Variants in ACSL4 observed in about 807,000 individuals in gnomAD.
The protein encoded by ACSL4 is long-chain-fatty-acid--CoA ligase 4.
ACSL4 carries 9 observed loss-of-function variants against 49.1 expected under a neutral mutation model. The observed-to-expected ratio is 0.18, with a 90% CI of 0.11 to 0.32. ACSL4 has a LOEUF of 0.32. ACSL4 is among the 10% of genes least tolerant of loss of function. The probability of loss-of-function intolerance (pLI) is 1.00; values close to 1 mark genes in which losing one functional copy is unlikely to be tolerated. For synonymous variants in ACSL4, 191 were observed against 170.3 expected (o/e 1.12, Z -0.95); for missense variants, 333 against 493.7 (o/e 0.67, Z 3.08).
At position 109,665,471 on chromosome X, in the gene ACSL4, C is replaced by T. The variant is rs1448617838; in HGVS notation, c.1339G>A (p.Val447Ile). Residue 447 changes from valine to isoleucine, a missense_variant, in exon 12 of 16, where the codon GTT becomes ATT. By Grantham distance (29) the Val-to-Ile change is conservative. Transcript: ENST00000672401. ...TEVTDYTTGR[V>I]GAPLICCEIK... is the part of the protein sequence containing the mutation. ...TCACAGCAAATAAGAGGTGCTCCAA[C>T]TCTGCCAGTAGTATAGTCAGTTACT... 1.7e-6 allele frequency: 2 copies of T among 1,209,738 alleles called. No homozygotes were observed. Among genetic ancestry groups the T allele is most frequent in the South Asian group, 1.8e-5 (1 of 56,964 alleles).
chrX:109,699,735 T>G (rs1925727792), intron 1 of ACSL4, among the ~76,000 whole-genome samples: 1 of 111,716 alleles, frequency 9.0e-6, no homozygotes, highest in African/African-American at 3.3e-5. Context: ...TTTGGGTTTT[T>G]TTCCTGCTGA....
intron 12 of ACSL4, 129 bp downstream of exon 12, chrX:109,665,291 T>A (rs1457672211): frequency 1.8e-6 from 1 of 562,180 alleles, no homozygotes; most frequent in East Asian, 3.4e-5. Context: ...AAAGAATGCA[T>A]GGGGACAGGC....
At chrX:109,717,980 C>T (rs1206398135) in intron 1 of ACSL4, among the ~76,000 whole-genome samples, 1 of 111,689 alleles carries the variant, frequency 9.0e-6, no homozygotes, top group Admixed American at 9.5e-5. Context: ...AGAGGATCAT[C>T]CCACAGAACT....
At chrX:109,655,634 A>T (rs184990031) in intron 15 of ACSL4, among the ~76,000 whole-genome samples, 7 of 111,326 alleles carry the variant, frequency 6.3e-5, no homozygotes, top group Admixed American at 5.7e-4. Flanking sequence ...ATTTCCCAGA[A>T]CTGAAGGGCA....
chrX:109,669,886 G>A, intron 9 of ACSL4, among the ~76,000 whole-genome samples: 1 of 111,809 alleles, frequency 8.9e-6, no homozygotes, highest in Non-Finnish European at 1.9e-5. Context: ...TTACAGCATG[G>A]CAGAAAGCAT....
intron 8 of ACSL4, among the ~76,000 whole-genome samples, chrX:109,677,104 C>T (rs959157148): frequency 8.2e-5 from 9 of 109,901 alleles, no homozygotes; most frequent in Non-Finnish European, 1.9e-5. Flanking sequence ...GGACTACAGG[C>T]GCCCACCACC....
intron 2 of ACSL4, 36 bp from the exon 3 acceptor site, chrX:109,683,411 T>C (rs1188959012): frequency 1.7e-6 from 2 of 1,209,896 alleles, no homozygotes; most frequent in Non-Finnish European, 2.2e-6. Context: ...GGAATAAATA[T>C]AAGGGCACTG....
intron 2 of ACSL4, among the ~76,000 whole-genome samples, chrX:109,686,122 C>T (rs1924586807): frequency 8.9e-6 from 1 of 111,795 alleles, no homozygotes; most frequent in Admixed American, 9.5e-5. Flanking sequence ...TCCTCTCCTC[C>T]CACTGAAGAT....
intron 15 of ACSL4, among the ~76,000 whole-genome samples, chrX:109,649,845 C>T: frequency 9.3e-6 from 1 of 107,542 alleles, no homozygotes. Flanking sequence ...AAACAAACAA[C>T]CCCATCAAAA....
intron 1 of ACSL4, among the ~76,000 whole-genome samples, chrX:109,718,521 G>A (rs755530631): frequency 8.9e-6 from 1 of 112,253 alleles, no homozygotes; most frequent in South Asian, 3.6e-4. Flanking sequence ...TTGGGAGACT[G>A]AGGCAGGCAA....
At chrX:109,646,733 G>T (rs1266953881) in intron 15 of ACSL4, among the ~76,000 whole-genome samples, 1 of 110,952 alleles carries the variant, frequency 9.0e-6, no homozygotes, top group South Asian at 3.8e-4. Flanking sequence ...TGGCAAATTG[G>T]ATACAGAGTC....
chrX:109,715,177 A>T (rs183972321), intron 1 of ACSL4, among the ~76,000 whole-genome samples: 1 of 112,534 alleles, frequency 8.9e-6, no homozygotes, highest in Non-Finnish European at 1.9e-5. Context: ...TTGAATTCTG[A>T]AACCAAAGAA....
chrX:109,708,281 T>C (rs895438635), intron 1 of ACSL4, among the ~76,000 whole-genome samples: 19 of 112,642 alleles, frequency 1.7e-4, no homozygotes, highest in Admixed American at 4.7e-4. Context: ...ATAATTTCCC[T>C]ACATTTTCTA....
rs112049014 is a variant in ACSL4 at position 109,719,754 on chromosome X, C to T, written c.-66+13385G>A. Reference sequence around the variant, plus strand: ...TAATCCCAGCACTTTGGGAGGCTGACGTGGGTGGATCACCTGAGGTCGGGA... The same window carrying T: ...TAATCCCAGCACTTTGGGAGGCTGATGTGGGTGGATCACCTGAGGTCGGGA... On this transcript the variant is annotated intron_variant, in intron 1 of 15. Transcript: ENST00000672401. Among the ~76,000 whole-genome samples the T allele has an allele frequency of 2.1e-3, 224 of 108,917 alleles. 1 individual carries two copies. Among genetic ancestry groups the T allele is most frequent in the African/African-American group, 7.3e-3 (218 of 29,933 alleles). The allele number at this position is 108,917 out of a possible 115,157, so 94.6% of individuals were successfully genotyped here.
At chrX:109,687,504 C>T (rs1338806352) in intron 2 of ACSL4, among the ~76,000 whole-genome samples, 1 of 111,657 alleles carries the variant, frequency 9.0e-6, no homozygotes, top group Non-Finnish European at 1.9e-5. Flanking sequence ...CATGTTCTTA[C>T]TCACAAGTGG....
At chrX:109,644,669 G>T (rs1248455285) in intron 15 of ACSL4, among the ~76,000 whole-genome samples, 1 of 112,232 alleles carries the variant, frequency 8.9e-6, no homozygotes, top group East Asian at 2.8e-4. Flanking sequence ...AAAGAGAAGG[G>T]GGAGGAGCCA....
In ACSL4 at chrX:109,673,118, C is replaced by A. The variant is rs181384031; in HGVS notation, c.1002+1284G>T. 5.5e-3 allele frequency among the ~76,000 whole-genome samples: 613 copies of A among 111,846 alleles called. 6 individuals are homozygous for A. The highest frequency in any genetic ancestry group is 0.017 in the African/African-American group (529 of 30,779). On this transcript the variant is annotated intron_variant, in intron 9 of 15. Coordinates refer to ENST00000672401, the MANE Select transcript of ACSL4 (RefSeq NM_001318510.2). Reference sequence around the variant, plus strand: ...GTGCTAACTGTGCTTATCCTTCAGGCCTAAAATCGGAGATTACTTCTTTAA... The same window carrying A: ...GTGCTAACTGTGCTTATCCTTCAGGACTAAAATCGGAGATTACTTCTTTAA...
At chrX:109,726,366 T>G (rs1047853565) in intron 1 of ACSL4, among the ~76,000 whole-genome samples, 2 of 112,262 alleles carry the variant, frequency 1.8e-5, no homozygotes, top group African/African-American at 6.5e-5. Flanking sequence ...GAGGTTGCAG[T>G]GAGCCGAGAT....
chrX:109,646,424 C>T (rs1195599686), intron 15 of ACSL4, among the ~76,000 whole-genome samples: 2 of 110,164 alleles, frequency 1.8e-5, no homozygotes, highest in African/African-American at 6.6e-5. Context: ...CCAAACTAAG[C>T]TTCATAAGTG....
Sources: allele counts gnomAD v4.1 joint callset (sites outside exome capture counted in the v4.1 genomes callset), GRCh38; gene constraint gnomAD v4.1.1; transcripts MANE v1.5; gene names NCBI Gene and HGNC (gene_info 2026-07-23, HGNC 2026-07-21).